The following CSMD1 variants were observed in gnomAD, a reference collection of about 807,000 sequenced individuals.
The protein encoded by CSMD1 is CUB and Sushi multiple domains 1, also known as CUB and sushi domain-containing protein 1.
In CSMD1, 213 loss-of-function variants were observed where a neutral mutation model predicts 417.5. The observed-to-expected ratio is 0.51, with a 90% CI of 0.46 to 0.57. CSMD1 has a LOEUF of 0.57. CSMD1 is among the 20% of genes least tolerant of loss of function. The probability of loss-of-function intolerance (pLI) is 0.00; values close to 1 mark genes in which losing one functional copy is unlikely to be tolerated. For synonymous variants in CSMD1, 2,862 were observed against 1,736.8 expected (o/e 1.65, Z -16.11); for missense variants, 6,923 against 4,529.7 (o/e 1.53, Z -15.17).
At chr8:4,359,333 T>TGC (rs1801618318) in intron 3 of CSMD1, among the ~76,000 whole-genome samples, 1 of 152,214 alleles carries the variant, frequency 6.6e-6, no homozygotes. Context: ...GCCAAATAGG[T>TGC]ACAACATATC....
At chr8:3,624,426 A>G (rs950941816) in intron 7 of CSMD1, among the ~76,000 whole-genome samples, 2 of 152,260 alleles carry the variant, frequency 1.3e-5, no homozygotes, top group African/African-American at 4.8e-5. Flanking sequence ...ATAAACCAAT[A>G]TAAGAGCCAT....
chr8:4,813,115 T>G (rs1799002049), intron 1 of CSMD1, among the ~76,000 whole-genome samples: 1 of 152,194 alleles, frequency 6.6e-6, no homozygotes, highest in African/African-American at 2.4e-5. Context: ...AAACTATTTC[T>G]AAAAATATGT....
At chr8:4,765,111 C>T (rs995691083) in intron 1 of CSMD1, among the ~76,000 whole-genome samples, 3 of 152,048 alleles carry the variant, frequency 2.0e-5, no homozygotes, top group African/African-American at 7.3e-5. Flanking sequence ...TCACTGGGTT[C>T]AAATCTTGGG....
intron 1 of CSMD1, among the ~76,000 whole-genome samples, chr8:4,964,350 A>G (rs1373496586): frequency 3.3e-5 from 5 of 151,748 alleles, no homozygotes; most frequent in African/African-American, 1.2e-4. Flanking sequence ...CCATTTCTAC[A>G]AAAAGTACAA....
intron 23 of CSMD1, among the ~76,000 whole-genome samples, chr8:3,330,268 C>G (rs905108347): frequency 1.3e-5 from 2 of 152,184 alleles, no homozygotes; most frequent in African/African-American, 4.8e-5. Flanking sequence ...GGAACATAAA[C>G]TGTTCTACCA....
At chr8:3,045,623 A>T (rs139940595) in intron 50 of CSMD1, among the ~76,000 whole-genome samples, 1 of 152,100 alleles carries the variant, frequency 6.6e-6, no homozygotes, top group Non-Finnish European at 1.5e-5. Flanking sequence ...ACCACATGCA[A>T]TGTTAAAGTG....
chr8:3,371,725 A>C (rs1353992251), intron 18 of CSMD1, among the ~76,000 whole-genome samples: 1 of 152,196 alleles, frequency 6.6e-6, no homozygotes, highest in Non-Finnish European at 1.5e-5. Flanking sequence ...TAAGGGAACA[A>C]ATCATCTCCT....
At position 4,051,602 on chromosome 8, in the gene CSMD1, C is replaced by T. The variant is rs549262676; in HGVS notation, c.416-19503G>A. ...AACGTCCTCAGAAGTGCTAAGTGCA[C>T]AGCGGGGCTTGTAGGTTTCTGTGGG... On this transcript the variant is annotated intron_variant, in intron 3 of 69. Transcript: ENST00000635120. 6.6e-5 allele frequency among the ~76,000 whole-genome samples: 10 copies of T among 152,322 alleles called. No individual in the cohort carries two copies. The South Asian group carries it at 2.1e-3, about 32-fold the overall frequency.
At chr8:4,424,133 G>C (rs1334096641) in intron 2 of CSMD1, among the ~76,000 whole-genome samples, 1 of 151,978 alleles carries the variant, frequency 6.6e-6, no homozygotes. Flanking sequence ...TCTAGGGCTA[G>C]ACAGAGTTTC....
At chr8:4,318,407 C>T (rs1389752387) in intron 3 of CSMD1, among the ~76,000 whole-genome samples, 2 of 151,962 alleles carry the variant, frequency 1.3e-5, no homozygotes, top group African/African-American at 4.8e-5. Flanking sequence ...ATTTTAGTTT[C>T]TGTGTGTGTG....
intron 57 of CSMD1, among the ~76,000 whole-genome samples, chr8:2,967,439 C>A (rs758450981): frequency 1.3e-5 from 2 of 152,216 alleles, no homozygotes; most frequent in Non-Finnish European, 2.9e-5. Flanking sequence ...CAGGTCTACA[C>A]TCTGTGCCTA....
chr8:4,076,857 C>G (rs1243234992), intron 3 of CSMD1, among the ~76,000 whole-genome samples: 1 of 152,134 alleles, frequency 6.6e-6, no homozygotes, highest in Non-Finnish European at 1.5e-5. Context: ...ATAGGCTACT[C>G]TTTTCTCATT....
intron 3 of CSMD1, among the ~76,000 whole-genome samples, chr8:4,062,528 A>C (rs559059764): frequency 7.2e-5 from 11 of 152,176 alleles, no homozygotes; most frequent in Non-Finnish European, 1.6e-4. Flanking sequence ...ATTTTAAATC[A>C]CCTGTGGCAT....
intron 3 of CSMD1, among the ~76,000 whole-genome samples, chr8:4,148,096 C>T (rs914396282): frequency 6.6e-6 from 1 of 152,036 alleles, no homozygotes; most frequent in African/African-American, 2.4e-5. Flanking sequence ...AAAAACATAA[C>T]ACAGATGGCA....
intron 2 of CSMD1, among the ~76,000 whole-genome samples, chr8:4,423,338 A>G (rs1797358560): frequency 6.6e-6 from 1 of 152,122 alleles, no homozygotes; most frequent in Admixed American, 6.6e-5. Flanking sequence ...AAATTTGTAG[A>G]GCTAATACTT....
At chr8:4,469,838 C>T (rs1361501893) in intron 2 of CSMD1, among the ~76,000 whole-genome samples, 3 of 151,864 alleles carry the variant, frequency 2.0e-5, no homozygotes, top group East Asian at 3.9e-4. Flanking sequence ...AAATGACTCG[C>T]ACACCTACGT....
chr8:3,491,369 G>A (rs999898890), intron 11 of CSMD1, among the ~76,000 whole-genome samples: 2 of 152,060 alleles, frequency 1.3e-5, no homozygotes, highest in Admixed American at 6.6e-5. Context: ...AAATTCCCAG[G>A]ATTATAGTAA....
intron 1 of CSMD1, among the ~76,000 whole-genome samples, chr8:4,939,201 G>C (rs1271094936): frequency 1.3e-5 from 2 of 152,160 alleles, no homozygotes; most frequent in Non-Finnish European, 2.9e-5. Context: ...TACACTGTTG[G>C]TGGGAATGTA....
intron 3 of CSMD1, among the ~76,000 whole-genome samples, chr8:4,037,225 G>T (rs1797669063): frequency 6.6e-6 from 1 of 152,162 alleles, no homozygotes; most frequent in South Asian, 2.1e-4. Context: ...TGTTTTCTAT[G>T]ACAAGTAATA....
Sources: gnomAD v4.1 joint callset for allele counts (sites outside exome capture counted in the v4.1 genomes callset) on GRCh38, gnomAD v4.1.1 for gene constraint, MANE v1.5 for transcripts, NCBI Gene and HGNC (gene_info 2026-07-23, HGNC 2026-07-21) for gene names.